RALGAPA2: variants seen among roughly 807,000 people sequenced by gnomAD.
RALGAPA2 encodes the protein Ral GTPase activating protein catalytic subunit alpha 2.
Under a neutral mutation model 230.4 loss-of-function variants are expected in RALGAPA2, and 139 were observed. The ratio of observed to expected loss-of-function variants is 0.60; its 90% CI spans 0.53 to 0.69. The LOEUF (loss-of-function observed/expected upper bound fraction) is 0.69. Ranked by LOEUF, RALGAPA2 falls within the 30% of genes least tolerant of loss-of-function variation. The pLI, the probability that RALGAPA2 is intolerant of heterozygous loss-of-function variation, is 0.00. For synonymous variants in RALGAPA2, 847 were observed against 837.8 expected, an observed-to-expected ratio of 1.01 and a Z score of -0.19; for missense variants, 2,163 against 2,276.0, an observed-to-expected ratio of 0.95 and a Z score of 1.01.
At chr20:20,471,324 T>A (rs1446248104) in intron 37 of RALGAPA2, 2 of 151,666 alleles carry the variant, frequency 1.3e-5, no homozygotes, top group African/African-American at 4.8e-5. Context: ...AAGTATTTTA[T>A]AATGAGAAGT....
At chr20:20,452,473 C>A (rs2061008840) in intron 37 of RALGAPA2, among the ~76,000 whole-genome samples, 2 of 152,372 alleles carry the variant, frequency 1.3e-5, no homozygotes, top group South Asian at 4.1e-4. Context: ...GGTGCCACCG[C>A]TGACAGGCAG....
chr20:20,694,059 G>C (rs536330318), intron 1 of RALGAPA2, among the ~76,000 whole-genome samples: 4 of 151,932 alleles, frequency 2.6e-5, no homozygotes, highest in Admixed American at 2.6e-4. Flanking sequence ...AGCCATGATT[G>C]AGCCACTGCA....
Position 20,653,568 on chromosome 20 carries a change from G to C in RALGAPA2, c.290C>G (p.Pro97Arg). Reference protein sequence around the residue: ...FLFEKILQFLPERIFFRWHYQ... With the variant: ...FLFEKILQFLRERIFFRWHYQ... The stretch of plus-strand genomic sequence containing the variant: ...ATGCCATCGAAAGAAAATTCGTTCA[G>C]GTAGAAACTGCAGTATTTTCTATTA... The change falls in exon 4 of 40, where the codon CCT (proline) becomes CGT (arginine). Residue 97 changes from proline to arginine, a missense_variant. Pro to Arg is a moderately radical substitution (Grantham distance 103). Coordinates refer to ENST00000202677, the MANE Select transcript of RALGAPA2 (RefSeq NM_020343.4). 2 of 1,496,516 alleles carry C rather than the reference G, an allele frequency of 1.3e-6. No individual in the cohort carries two copies. Among genetic ancestry groups the C allele is most frequent in the Non-Finnish European group, 1.8e-6 (2 of 1,101,980 alleles). The allele number at this position is 1,496,516 out of a possible 1,614,324, so 92.7% of individuals were successfully genotyped here.
chr20:20,400,969 G>T (rs752634810), intron 38 of RALGAPA2, among the ~76,000 whole-genome samples: 5 of 152,194 alleles, frequency 3.3e-5, no homozygotes, highest in Admixed American at 6.5e-5. Context: ...GAAATGTCCA[G>T]AATGGGCAGG....
At chr20:20,477,379 T>C (rs776652820) in intron 36 of RALGAPA2, among the ~76,000 whole-genome samples, 9 of 152,164 alleles carry the variant, frequency 5.9e-5, no homozygotes, top group South Asian at 2.1e-4. Flanking sequence ...AGTGACCATA[T>C]CCTCAGCCAA....
chr20:20,687,361 T>C (rs1223536030), intron 1 of RALGAPA2, among the ~76,000 whole-genome samples: 2 of 152,190 alleles, frequency 1.3e-5, no homozygotes, highest in Admixed American at 1.3e-4. Context: ...GCTGCCTAGG[T>C]CCCTGGGTAG....
intron 12 of RALGAPA2, among the ~76,000 whole-genome samples, chr20:20,617,985 T>C (rs1234730504): frequency 1.3e-5 from 2 of 152,190 alleles, no homozygotes; most frequent in African/African-American, 2.4e-5. Flanking sequence ...ACGTCATCAA[T>C]AGGTTGTTGG....
chr20:20,511,833 C>A (rs907227194), intron 32 of RALGAPA2, among the ~76,000 whole-genome samples: 1 of 152,222 alleles, frequency 6.6e-6, no homozygotes, highest in African/African-American at 2.4e-5. Flanking sequence ...GGCTTATTCA[C>A]CTTTGTAGTT....
intron 37 of RALGAPA2, among the ~76,000 whole-genome samples, chr20:20,424,296 G>A (rs1445165096): frequency 6.6e-6 from 1 of 152,152 alleles, no homozygotes; most frequent in Non-Finnish European, 1.5e-5. Context: ...GTCGCTCAAA[G>A]TCTCACATCA....
At chr20:20,562,796 C>G (rs1346718113) in intron 23 of RALGAPA2, among the ~76,000 whole-genome samples, 1 of 152,070 alleles carries the variant, frequency 6.6e-6, no homozygotes, top group Non-Finnish European at 1.5e-5. Context: ...TACAAGTGGG[C>G]TCTGTCTACA....
intron 37 of RALGAPA2, among the ~76,000 whole-genome samples, chr20:20,444,301 T>C (rs902715017): frequency 2.6e-5 from 4 of 152,212 alleles, no homozygotes; most frequent in African/African-American, 9.7e-5. Flanking sequence ...AAATGTTGTA[T>C]ATGATTAACT....
At chr20:20,448,460 T>C (rs2060914330) in intron 37 of RALGAPA2, among the ~76,000 whole-genome samples, 1 of 152,206 alleles carries the variant, frequency 6.6e-6, no homozygotes, top group Non-Finnish European at 1.5e-5. Flanking sequence ...TATCAGGTCT[T>C]TGAAGAGGTG....
At chr20:20,488,146 T>G (rs2061961242) in intron 36 of RALGAPA2, among the ~76,000 whole-genome samples, 1 of 152,204 alleles carries the variant, frequency 6.6e-6, no homozygotes, top group Admixed American at 6.5e-5. Context: ...ATTTTCCATC[T>G]GTGTTTGGTT....
chr20:20,399,626 C>T (rs549763803), intron 38 of RALGAPA2, among the ~76,000 whole-genome samples: 2 of 152,342 alleles, frequency 1.3e-5, no homozygotes, highest in African/African-American at 2.4e-5. Flanking sequence ...TGTGTGACTT[C>T]TCCGATACTC....
chr20:20,643,329 C>T (rs1290220332), intron 5 of RALGAPA2, among the ~76,000 whole-genome samples, 177 bp downstream of exon 5: 1 of 152,146 alleles, frequency 6.6e-6, no homozygotes, highest in Non-Finnish European at 1.5e-5. Flanking sequence ...AAATGTCTCT[C>T]GCAATAAGTT....
At chr20:20,505,649 G>T in intron 33 of RALGAPA2, 115 bp from the exon 34 acceptor site, 1 of 877,202 alleles carries the variant, frequency 1.1e-6, no homozygotes, top group Non-Finnish European at 1.7e-6. Flanking sequence ...CTGAGAACCT[G>T]CTAGAGGTCA....
At chr20:20,510,560 A>C (rs943036212) in intron 33 of RALGAPA2, among the ~76,000 whole-genome samples, 31 of 152,116 alleles carry the variant, frequency 2.0e-4, no homozygotes, top group African/African-American at 6.8e-4. Context: ...AAAAAACTAA[A>C]GATTAAGGAG....
chr20:20,632,934 T>C (rs1329469251), intron 9 of RALGAPA2, among the ~76,000 whole-genome samples: 1 of 152,190 alleles, frequency 6.6e-6, no homozygotes, highest in Non-Finnish European at 1.5e-5. Flanking sequence ...TTCTGTAGTC[T>C]TTAGACATAA....
intron 20 of RALGAPA2, among the ~76,000 whole-genome samples, chr20:20,581,760 C>G (rs1320909012): frequency 6.6e-6 from 1 of 151,890 alleles, no homozygotes; most frequent in African/African-American, 2.4e-5. Context: ...GACATTCTAT[C>G]AAGAATTTCC....
Sources: gnomAD v4.1 joint callset for allele counts (sites outside exome capture counted in the v4.1 genomes callset) on GRCh38, gnomAD v4.1.1 for gene constraint, MANE v1.5 for transcripts, NCBI Gene and HGNC (gene_info 2026-07-23, HGNC 2026-07-21) for gene names.